TMEM233: variants seen among roughly 807,000 people sequenced by gnomAD.
TMEM233 encodes the protein transmembrane protein 233.
Under a neutral mutation model 11.2 loss-of-function variants are expected in TMEM233, and 6 were observed. The ratio of observed to expected loss-of-function variants is 0.54; its 90% CI spans 0.29 to 1.06. The LOEUF (loss-of-function observed/expected upper bound fraction) is 1.06, where lower values mean the gene tolerates loss of function less well. TMEM233 is among the 50% of genes least tolerant of loss of function. The pLI is 0.08. For synonymous variants in TMEM233, 59 were observed against 55.8 expected (o/e 1.06, Z -0.26); for missense variants, 127 against 144.7 (o/e 0.88, Z 0.63).
intron 1 of TMEM233, among the ~76,000 whole-genome samples, chr12:119,620,351 T>G (rs1287487107): frequency 6.6e-6 from 1 of 152,204 alleles, no homozygotes; most frequent in Non-Finnish European, 1.5e-5. Context: ...GCAGGGCAAT[T>G]TGGCTCTATC....
chr12:119,595,794 T>C lies in TMEM233; in HGVS notation c.186+1760T>C, dbSNP rs905715352. 2.6e-5 allele frequency among the ~76,000 whole-genome samples: 4 copies of C among 152,238 alleles called. No homozygotes were observed. Among genetic ancestry groups the C allele is most frequent in the African/African-American group, 9.6e-5 (4 of 41,466 alleles). On this transcript the variant is annotated intron_variant, in intron 1 of 2. Coordinates refer to ENST00000426426, the MANE Select transcript of TMEM233 (RefSeq NM_001136534.3). The surrounding 1 kb of genome is among the most constrained non-coding windows in gnomAD (Gnocchi z 4.3). The stretch of plus-strand genomic sequence containing the variant: ...ATCCACCCACCCCGCGCAAGCTCTG[T>C]TCTTCCTTCCCTGCTACCTTTTGAC...
chr12:119,649,854 T>TAAAAAA, the TMEM233 span, among the ~76,000 whole-genome samples: 68 of 91,278 alleles, frequency 7.4e-4, 2 homozygotes, highest in East Asian at 1.5e-3. Context: ...GTTTAACTAT[T>TAAAAAA]AAAAAAAAAA....
the TMEM233 span, among the ~76,000 whole-genome samples, chr12:119,648,693 C>T: frequency 3.4e-4 from 52 of 152,312 alleles, 1 homozygote; most frequent in African/African-American, 1.2e-3. Flanking sequence ...CCTCTGTCTT[C>T]CTGGTCCCTA....
At chr12:119,608,676 T>C (rs1954333499) in intron 1 of TMEM233, among the ~76,000 whole-genome samples, 1 of 152,172 alleles carries the variant, frequency 6.6e-6, no homozygotes. Flanking sequence ...GGGAAGAGCT[T>C]AAAGTCAACA....
rs182522170 is a variant in TMEM233, at chr12:119,605,391, C to T, written c.186+11357C>T. Among the ~76,000 whole-genome samples, 3 of 141,570 alleles carry T rather than the reference C, an allele frequency of 2.1e-5. No individual in the cohort carries two copies. The East Asian group carries it at 6.9e-4, about 33-fold the overall frequency. The allele number at this position is 141,570 out of a possible 152,430, so 92.9% of individuals were successfully genotyped here. A position where few individuals can be genotyped will look rare whatever the true frequency, so the allele number is the denominator to read the frequency against. On this transcript the variant is annotated intron_variant, in intron 1 of 2. Coordinates refer to ENST00000426426, the MANE Select transcript of TMEM233 (RefSeq NM_001136534.3). ...CCTTACCCCCATGAAGCATTATAATCAGACAGCTATGCCTTTCCTTTTTTT... is the reference window on the plus strand; with the variant it reads ...CCTTACCCCCATGAAGCATTATAATTAGACAGCTATGCCTTTCCTTTTTTT...
chr12:119,628,751 C>T (rs925286888), intron 1 of TMEM233, among the ~76,000 whole-genome samples: 2 of 151,988 alleles, frequency 1.3e-5, no homozygotes, highest in African/African-American at 4.8e-5. Flanking sequence ...CTGCCCATCT[C>T]ATCCTCCCAA....
rs559882387 is a variant in TMEM233, at chr12:119,631,672, G to A, written c.323+1800G>A. 11 of 985,402 alleles carry A rather than the reference G, an allele frequency of 1.1e-5. No homozygotes were observed. The African/African-American group carries it at 1.9e-4, about 17-fold the overall frequency. The allele number at this position is 985,402 out of a possible 1,614,324, so 61.0% of individuals were successfully genotyped here. On this transcript the variant is annotated intron_variant, in intron 2 of 2. Transcript: ENST00000426426. Reference sequence around the variant, plus strand: ...CTTGTGAGCAGGGGAGCCACAGAGTGTGGGTTTAATGGTGCAGTTTTGGCA... The same window carrying A: ...CTTGTGAGCAGGGGAGCCACAGAGTATGGGTTTAATGGTGCAGTTTTGGCA...
rs1332429325 is a variant in TMEM233, at chr12:119,639,801, AG to A, written c.324-895del. ...ACAGTGCCTATCTCATAGGGCTGTG[AG>A]GGTTAAATGGCACAAACTACAGGGC... On this transcript the variant is annotated intron_variant, in intron 2 of 2. Transcript: ENST00000426426. 5.3e-5 allele frequency among the ~76,000 whole-genome samples: 8 copies of A among 152,262 alleles called. No homozygotes were observed. The South Asian group carries it at 1.7e-3, about 32-fold the overall frequency.
In TMEM233 at chr12:119,627,452, A is replaced by G. The variant is rs1286136162; in HGVS notation, c.187-2284A>G. On this transcript the variant is annotated intron_variant, in intron 1 of 2. Coordinates refer to ENST00000426426, the MANE Select transcript of TMEM233 (RefSeq NM_001136534.3). ...CAGGCTAAACAAACATGGCGCCAGT[A>G]TCTTCTTCCGGTGAGGACTCAGGAA... Among the ~76,000 whole-genome samples, 7 of 152,362 alleles carry G rather than the reference A, an allele frequency of 4.6e-5. No homozygotes were observed. In the East Asian group the frequency reaches 1.3e-3, roughly 29 times the overall value.
chr12:119,601,500 C>CA (rs550331738), intron 1 of TMEM233, among the ~76,000 whole-genome samples: 2,225 of 150,984 alleles, frequency 0.015, 23 homozygotes, highest in Middle Eastern at 0.038. Context: ...ACTAAAAATG[C>CA]AAAAAAAATT....
chr12:119,616,999 G>A (rs550045532), intron 1 of TMEM233, among the ~76,000 whole-genome samples: 18 of 152,126 alleles, frequency 1.2e-4, no homozygotes, highest in Admixed American at 7.9e-4. Context: ...TAAATTACCC[G>A]GTCTCAGGTA....
chr12:119,650,597 AAC>A, the TMEM233 span, among the ~76,000 whole-genome samples: 9,210 of 152,132 alleles, frequency 0.061, 439 homozygotes, highest in African/African-American at 0.14. Flanking sequence ...CATTAATTAT[AAC>A]ACATTCCTTT....
At chr12:119,613,824 T>C (rs527304680) in intron 1 of TMEM233, among the ~76,000 whole-genome samples, 2 of 150,984 alleles carry the variant, frequency 1.3e-5, no homozygotes, top group South Asian at 4.2e-4. Context: ...AATGAAGAGA[T>C]GAGGAGGCCT....
the TMEM233 span, among the ~76,000 whole-genome samples, chr12:119,650,547 G>T: frequency 6.6e-6 from 1 of 152,314 alleles, no homozygotes. Context: ...TTGCAAACTT[G>T]ACATAAATTT....
chr12:119,626,949 T>G (rs1455109426), intron 1 of TMEM233, among the ~76,000 whole-genome samples: 1 of 152,238 alleles, frequency 6.6e-6, no homozygotes, highest in Non-Finnish European at 1.5e-5. Flanking sequence ...AAGTTTGGCA[T>G]GAGCACAGAA....
At chr12:119,653,435 A>T in the TMEM233 span, among the ~76,000 whole-genome samples, 1 of 151,052 alleles carries the variant, frequency 6.6e-6, no homozygotes, top group Admixed American at 6.6e-5. Flanking sequence ...CATGTGAAGG[A>T]GCAGGAAACT....
intron 1 of TMEM233, among the ~76,000 whole-genome samples, chr12:119,601,212 A>G (rs1287710717): frequency 1.3e-5 from 2 of 152,202 alleles, no homozygotes; most frequent in Non-Finnish European, 2.9e-5. Flanking sequence ...GAATGAAGCA[A>G]GACATACCAA....
intron 1 of TMEM233, among the ~76,000 whole-genome samples, chr12:119,624,785 T>G (rs1247828862): frequency 6.6e-6 from 1 of 152,160 alleles, no homozygotes; most frequent in African/African-American, 2.4e-5. Context: ...GCAATGCGAA[T>G]GTACATAATG....
chr12:119,637,891 AT>A (rs1954999456), intron 2 of TMEM233, among the ~76,000 whole-genome samples: 1 of 152,234 alleles, frequency 6.6e-6, no homozygotes, highest in African/African-American at 2.4e-5. Flanking sequence ...AATCCTACAT[AT>A]TTTTGTCTGG....
Sources: allele counts gnomAD v4.1 joint callset (sites outside exome capture counted in the v4.1 genomes callset), GRCh38; gene constraint gnomAD v4.1.1; non-coding constraint Gnocchi (gnomAD v3.1); transcripts MANE v1.5; gene names NCBI Gene and HGNC (gene_info 2026-07-23, HGNC 2026-07-21).